Variants in SLC17A4 observed in about 807,000 individuals in gnomAD.
SLC17A4 encodes probable small intestine urate exporter.
SLC17A4 carries 33 observed loss-of-function variants against 52.5 expected under a neutral mutation model. That is an observed-to-expected ratio of 0.63 (90% CI 0.48 to 0.84). The LOEUF (loss-of-function observed/expected upper bound fraction) is 0.84. Ranked by LOEUF, SLC17A4 falls within the 40% of genes least tolerant of loss-of-function variation. The probability of loss-of-function intolerance (pLI) is 0.00; values close to 1 mark genes in which losing one functional copy is unlikely to be tolerated. For missense variants in SLC17A4, 585 were observed against 597.1 expected (o/e 0.98, Z 0.21); for synonymous variants, 225 against 216.2 (o/e 1.04, Z -0.36).
intron 1 of SLC17A4, among the ~76,000 whole-genome samples, chr6:25,759,400 G>A (rs1761331510): frequency 6.6e-6 from 1 of 152,080 alleles, no homozygotes; most frequent in African/African-American, 2.4e-5. Context: ...GTGGAGTACT[G>A]AAGTCCCCCA....
Position 25,776,654 on chromosome 6 carries a change from T to C in SLC17A4, c.1047T>C (p.Gly349=). ...GATGTATCTGCATTATCCTTGGAGGTCTACTGGCAGACTTTCTTCTCTCCA... is the reference window on the plus strand; with the variant it reads ...GATGTATCTGCATTATCCTTGGAGGCCTACTGGCAGACTTTCTTCTCTCCA... ...VVGCICIILG[G]LLADFLLSRK... is the part of the protein sequence containing the mutation. The change falls in exon 9 of 12, where the codon GGT becomes GGC. Residue 349 remains glycine (G), a synonymous_variant. Coordinates refer to ENST00000377905, the MANE Select transcript of SLC17A4 (RefSeq NM_005495.3). 1 of 1,613,776 alleles carries C rather than the reference T, an allele frequency of 6.2e-7. No individual in the cohort carries two copies. Among genetic ancestry groups the C allele is most frequent in the Non-Finnish European group, 8.5e-7 (1 of 1,179,832 alleles).
chr6:25,771,101 G>T, intron 6 of SLC17A4, 89 bp downstream of exon 6: 1 of 1,057,020 alleles, frequency 9.5e-7, no homozygotes, highest in African/African-American at 1.6e-5. Flanking sequence ...AATAGATATG[G>T]ATATTTACAT....
In SLC17A4 at chr6:25,770,160, G is replaced by A; in HGVS notation, c.391G>A (p.Val131Met). The A allele has an allele frequency of 6.2e-7, 1 of 1,614,092 alleles. No individual in the cohort carries two copies. The highest frequency in any genetic ancestry group is 8.5e-7 in the Non-Finnish European group (1 of 1,179,988). Residue 131 changes from valine (V) to methionine (M), a missense_variant, in exon 4 of 12, where the codon GTG becomes ATG. By Grantham distance (21) the Val-to-Met change is conservative (BLOSUM62 1). Coordinates refer to ENST00000377905, the MANE Select transcript of SLC17A4 (RefSeq NM_005495.3). ...CTTGGCTCCAATCCCCAGTGGCTAT[G>A]TGGCTGGAATATTTGGAGCCAAGTA... ...SFLAPIPSGY[V>M]AGIFGAKYVV...
Position 25,770,295 on chromosome 6 carries a change from G to A in SLC17A4, c.526G>A (p.Ala176Thr), listed in dbSNP as rs745405816. The A allele has an allele frequency of 3.7e-6, 6 of 1,613,826 alleles. No individual in the cohort carries two copies. Among genetic ancestry groups the A allele is most frequent in the Non-Finnish European group, 5.1e-6 (6 of 1,179,876 alleles). The change falls in exon 4 of 12, where the codon GCC becomes ACC. Residue 176 changes from alanine (A) to threonine (T), a missense_variant. Transcript: ENST00000377905. Reference protein sequence around the residue: ...LIVLRIVQGIAQVMVLTGQYS... With the variant: ...LIVLRIVQGITQVMVLTGQYS... ...TGTCCTCCGGATTGTACAAGGCATA[G>A]CCCAGGTACCAAGATGTTTTCCAGG...
chr6:25,757,904 G>A (rs550605780), intron 1 of SLC17A4, among the ~76,000 whole-genome samples: 11 of 152,270 alleles, frequency 7.2e-5, no homozygotes, highest in Non-Finnish European at 1.5e-4. Flanking sequence ...CAGGCAGTCC[G>A]CCCTGTCTTT....
At chr6:25,761,388 GC>G (rs1761516024) in intron 1 of SLC17A4, among the ~76,000 whole-genome samples, 1 of 152,046 alleles carries the variant, frequency 6.6e-6, no homozygotes, top group Admixed American at 6.6e-5. Flanking sequence ...TAGATCTCAG[GC>G]CCCCACATCA....
At chr6:25,759,283 G>C (rs113929425) in intron 1 of SLC17A4, among the ~76,000 whole-genome samples, 1 of 151,982 alleles carries the variant, frequency 6.6e-6, no homozygotes, top group Non-Finnish European at 1.5e-5. Context: ...CAGTTGTTGG[G>C]TAGAGTGTTC....
intron 3 of SLC17A4, 52 bp from the exon 4 acceptor site, chr6:25,770,015 A>C: frequency 6.4e-7 from 1 of 1,559,348 alleles, no homozygotes; most frequent in Non-Finnish European, 8.8e-7. Context: ...CTCACAATGA[A>C]AACTGTCAAT....
rs190190661 is a variant in SLC17A4 at position 25,767,347 on chromosome 6, T to A, written c.92-1638T>A. Among the ~76,000 whole-genome samples the A allele has an allele frequency of 1.0e-3, 153 of 152,234 alleles. 1 individual carries two copies. Among genetic ancestry groups the A allele is most frequent in the Admixed American group, 3.5e-3 (54 of 15,292 alleles). On this transcript the variant is annotated intron_variant, in intron 2 of 11. Coordinates refer to ENST00000377905, the MANE Select transcript of SLC17A4 (RefSeq NM_005495.3). ...TAAGAATAAGAAGAGATCATCCCAA[T>A]AATACGAAGGTGGTAGGCTATTATA...
At chr6:25,755,938 C>T (rs779433329) in intron 1 of SLC17A4, among the ~76,000 whole-genome samples, 2 of 152,224 alleles carry the variant, frequency 1.3e-5, no homozygotes, top group Non-Finnish European at 2.9e-5. Context: ...TTCCCATATA[C>T]ACCTCATTAG....
chr6:25,770,256 G>A lies in SLC17A4; in HGVS notation c.487G>A (p.Val163Met). The change falls in exon 4 of 12, where the codon GTG becomes ATG. Residue 163 changes from valine to methionine, a missense_variant. Val to Met is a conservative substitution (Grantham distance 21). Coordinates refer to ENST00000377905, the MANE Select transcript of SLC17A4 (RefSeq NM_005495.3). ...CATTCCACTGGCAGCTAATGCGGGA[G>A]TGGCCTTGCTCATTGTCCTCCGGAT... ...LFIPLAANAG[V>M]ALLIVLRIVQ... 2 of 1,614,120 alleles carry A rather than the reference G, an allele frequency of 1.2e-6. No individual in the cohort carries two copies. Among genetic ancestry groups the A allele is most frequent in the Non-Finnish European group, 1.7e-6 (2 of 1,179,994 alleles).
chr6:25,768,023 GTA>G (rs1762163052), intron 2 of SLC17A4, among the ~76,000 whole-genome samples: 1 of 152,126 alleles, frequency 6.6e-6, no homozygotes, highest in Non-Finnish European at 1.5e-5. Context: ...TGGTACATGG[GTA>G]GGTATCTCTT....
intron 2 of SLC17A4, among the ~76,000 whole-genome samples, chr6:25,767,473 G>A (rs1762119080): frequency 6.6e-6 from 1 of 152,152 alleles, no homozygotes; most frequent in South Asian, 2.1e-4. Context: ...GGGGGCCACA[G>A]AGAGCTCAGT....
At chr6:25,764,000 T>C (rs1431635203) in intron 2 of SLC17A4, among the ~76,000 whole-genome samples, 3 of 152,188 alleles carry the variant, frequency 2.0e-5, no homozygotes, top group Non-Finnish European at 2.9e-5. Flanking sequence ...GTCAGGTTGG[T>C]TACTTTCAGA....
chr6:25,755,044 C>CAT (rs1437489878), intron 1 of SLC17A4, among the ~76,000 whole-genome samples: 2 of 88,484 alleles, frequency 2.3e-5, no homozygotes, highest in African/African-American at 8.1e-5. Context: ...CAGACACACA[C>CAT]ACATACACAC....
In SLC17A4 at chr6:25,777,994, C is replaced by A. The variant is rs763935195; in HGVS notation, c.1337C>A (p.Ala446Asp). 1.9e-6 allele frequency: 3 copies of A among 1,612,442 alleles called. No homozygotes were observed. The highest frequency in any genetic ancestry group is 4.5e-5 in the East Asian group (2 of 44,870). ...ATAGCTGGAGCCATCTCTCCTACTG[C>A]TGCTGGATTTTTCATCAGTCAGGTG... The part of the protein sequence containing the change: ...AHIAGAISPT[A>D]AGFFISQDSE... The change falls in exon 11 of 12, where the codon GCT (alanine) becomes GAT (aspartate). Residue 446 changes from alanine to aspartate, a missense_variant. Coordinates refer to ENST00000377905, the MANE Select transcript of SLC17A4 (RefSeq NM_005495.3).
At position 25,770,384 on chromosome 6, in the gene SLC17A4, G is replaced by T; in HGVS notation, c.532G>T (p.Val178Phe). 1 of 1,614,070 alleles carries T rather than the reference G, an allele frequency of 6.2e-7. No homozygotes were observed. The highest frequency in any genetic ancestry group is 1.7e-5 in the Admixed American group (1 of 60,024). ...CCAAGAATGGAATTTTTCCCCCCAG[G>T]TTATGGTATTAACTGGTCAGTATTC... ...VLRIVQGIAQ[V>F]MVLTGQYSIW... The change falls in exon 5 of 12, where the codon GTT (valine) becomes TTT (phenylalanine). Residue 178 changes from valine (V) to phenylalanine (F), a missense_variant and splice_region_variant. Physicochemically the swap from Val to Phe is conservative, Grantham distance 50 (BLOSUM62 -1). Transcript: ENST00000377905.
At chr6:25,758,233 A>G (rs1283043104) in intron 1 of SLC17A4, among the ~76,000 whole-genome samples, 5 of 152,132 alleles carry the variant, frequency 3.3e-5, no homozygotes, top group African/African-American at 7.2e-5. Context: ...AGCTCCTATA[A>G]TTTGACTTGA....
chr6:25,758,784 T>C (rs575497204), intron 1 of SLC17A4, among the ~76,000 whole-genome samples: 1 of 152,190 alleles, frequency 6.6e-6, no homozygotes, highest in African/African-American at 2.4e-5. Flanking sequence ...GTTTGTTTGT[T>C]TCAATTTCCA....
Sources: gnomAD v4.1 joint callset for allele counts (sites outside exome capture counted in the v4.1 genomes callset) on GRCh38, gnomAD v4.1.1 for gene constraint, MANE v1.5 for transcripts, NCBI Gene and HGNC (gene_info 2026-07-23, HGNC 2026-07-21) for gene names.